Variants in OTUD7A observed in about 807,000 individuals in gnomAD.
OTUD7A encodes the protein OTU domain-containing protein 7A.
In OTUD7A, 12 loss-of-function variants were observed where a neutral mutation model predicts 65.7. The observed-to-expected ratio is 0.18, with a 90% confidence interval of 0.12 to 0.30. The LOEUF (loss-of-function observed/expected upper bound fraction) is 0.30, where lower values mean the gene tolerates loss of function less well. Among genes scored for constraint, OTUD7A ranks in the 10% least tolerant of loss-of-function variants. The probability of loss-of-function intolerance (pLI) is 1.00; values close to 1 mark genes in which losing one functional copy is unlikely to be tolerated. For synonymous variants in OTUD7A, 641 were observed against 586.3 expected (o/e 1.09, Z -1.35); for missense variants, 1,148 against 1,304.8 (o/e 0.88, Z 1.85).
At position 31,530,712 on chromosome 15, in the gene OTUD7A, G is replaced by A; in HGVS notation, c.647C>T (p.Ser216Leu). ...GDGNCLLHAA[S>L]LGMWGFHDRD... ...GTCTGTGCTGTGGAGCTTACCCAGT[G>A]AAGCAGCATGTAAAAGGCAGTTCCC... Residue 216 changes from serine to leucine, a missense_variant, in exon 6 of 13, where the codon TCA becomes TTA. By Grantham distance (145) the Ser-to-Leu change is moderately radical. This residue lies in a region of OTUD7A where 134 missense variants were observed against 252.6 expected (regional missense o/e 0.53). Transcript: ENST00000307050. 6.2e-7 allele frequency: 1 copy of A among 1,614,050 alleles called. No individual in the cohort carries two copies. The highest frequency in any genetic ancestry group is 8.5e-7 in the Non-Finnish European group (1 of 1,179,914).
At chr15:31,591,475 A>G (rs1244316256) in intron 3 of OTUD7A, among the ~76,000 whole-genome samples, 1 of 152,150 alleles carries the variant, frequency 6.6e-6, no homozygotes, top group African/African-American at 2.4e-5. Context: ...GGCCTCATCT[A>G]ATCCACGGAA....
At chr15:31,790,220 C>G (rs1267870719) in intron 1 of OTUD7A, among the ~76,000 whole-genome samples, 1 of 152,194 alleles carries the variant, frequency 6.6e-6, no homozygotes, top group African/African-American at 2.4e-5. Flanking sequence ...CCCTGCAGGG[C>G]CTGTAAAAAC....
intron 4 of OTUD7A, among the ~76,000 whole-genome samples, chr15:31,561,621 A>G (rs1038811235): frequency 2.6e-5 from 4 of 152,216 alleles, no homozygotes; most frequent in Non-Finnish European, 5.9e-5. Flanking sequence ...AGTTCTAAAC[A>G]TGAAATATTT....
chr15:31,815,010 G>A (rs1357507788), intron 1 of OTUD7A, among the ~76,000 whole-genome samples: 2 of 152,162 alleles, frequency 1.3e-5, no homozygotes, highest in Non-Finnish European at 2.9e-5. Context: ...TCCCTGCCAT[G>A]TTCCCTGACT....
At chr15:31,785,318 A>G (rs1208542238) in intron 1 of OTUD7A, among the ~76,000 whole-genome samples, 1 of 152,262 alleles carries the variant, frequency 6.6e-6, no homozygotes, top group Admixed American at 6.5e-5. Flanking sequence ...AGCTTTCGGT[A>G]CATTTGAATT....
chr15:31,783,736 T>C (rs972879449), intron 1 of OTUD7A, among the ~76,000 whole-genome samples: 2 of 152,176 alleles, frequency 1.3e-5, no homozygotes, highest in Admixed American at 1.3e-4. Context: ...TGTATTTCCA[T>C]GGAACATCAT....
chr15:31,762,336 T>A (rs1894988426), intron 1 of OTUD7A, among the ~76,000 whole-genome samples: 1 of 152,192 alleles, frequency 6.6e-6, no homozygotes, highest in Non-Finnish European at 1.5e-5. Flanking sequence ...TTGCTTTTTT[T>A]CTCTGTCCTC....
chr15:31,657,929 T>C (rs1366532363), intron 1 of OTUD7A, among the ~76,000 whole-genome samples: 1 of 152,218 alleles, frequency 6.6e-6, no homozygotes, highest in Non-Finnish European at 1.5e-5. Context: ...TTCTCCTCAG[T>C]GCATCCTAGC....
intron 8 of OTUD7A, among the ~76,000 whole-genome samples, chr15:31,510,557 CAT>C (rs1399380452): frequency 8.9e-6 from 1 of 112,870 alleles, no homozygotes; most frequent in Admixed American, 9.5e-5. Context: ...CTATATGTAA[CAT>C]ACATATGTAT....
intron 1 of OTUD7A, among the ~76,000 whole-genome samples, chr15:31,682,233 A>G (rs1892734281): frequency 6.6e-6 from 1 of 152,212 alleles, no homozygotes; most frequent in South Asian, 2.1e-4. Flanking sequence ...TTCAGACAAA[A>G]GAGACCAAAA....
intron 3 of OTUD7A, among the ~76,000 whole-genome samples, chr15:31,625,310 T>C (rs1890918967): frequency 6.6e-6 from 1 of 152,072 alleles, no homozygotes; most frequent in South Asian, 2.1e-4. Flanking sequence ...AAGAAATATA[T>C]GATGGTTATC....
rs2041052327 is a variant in OTUD7A at position 31,478,129 on chromosome 15, A to G, written c.*5165T>C. 2 of 152,196 alleles carry G rather than the reference A, an allele frequency of 1.3e-5. No homozygotes were observed. The highest frequency in any genetic ancestry group is 4.8e-5 in the African/African-American group (2 of 41,436). The allele number at this position is 152,196 out of a possible 1,614,324, so 9.4% of individuals were successfully genotyped here. ...AGCAGCAGGCAGAAGAAGTACTGGG[A>G]TGGGAGAGGCCTTTGTAAGGACCTG... On this transcript the variant is annotated 3_prime_UTR_variant, in exon 13 of 13. Coordinates refer to ENST00000307050, the MANE Select transcript of OTUD7A (RefSeq NM_001382637.1).
Position 31,825,674 on chromosome 15 carries a change from A to G in OTUD7A, c.-100+44833T>C, listed in dbSNP as rs1054449495. The stretch of plus-strand genomic sequence containing the variant: ...CTTAACTCATTTCAGCATTAACTCA[A>G]AAGTCCACAATCCAAAGTCTCATCT... On this transcript the variant is annotated intron_variant, in intron 1 of 12. Coordinates refer to ENST00000307050, the MANE Select transcript of OTUD7A (RefSeq NM_001382637.1). Among the ~76,000 whole-genome samples the G allele has an allele frequency of 5.3e-5, 8 of 152,188 alleles. No homozygotes were observed. In the East Asian group the frequency reaches 1.2e-3, roughly 22 times the overall value.
intron 1 of OTUD7A, among the ~76,000 whole-genome samples, chr15:31,691,060 C>T (rs1037545716): frequency 2.0e-5 from 3 of 152,122 alleles, no homozygotes; most frequent in African/African-American, 7.2e-5. Context: ...ATATCCATAA[C>T]ATATACAGAA....
chr15:31,738,688 A>C (rs535421983), intron 1 of OTUD7A, among the ~76,000 whole-genome samples: 20 of 152,316 alleles, frequency 1.3e-4, no homozygotes, highest in Admixed American at 8.5e-4. Flanking sequence ...CCGCAAGTGC[A>C]GCCTGTTGAC....
intron 8 of OTUD7A, among the ~76,000 whole-genome samples, chr15:31,525,815 T>A (rs1312155994): frequency 2.0e-5 from 3 of 152,240 alleles, no homozygotes; most frequent in African/African-American, 7.2e-5. Context: ...TGCACAGATG[T>A]GAAGTCTTTT....
intron 3 of OTUD7A, among the ~76,000 whole-genome samples, chr15:31,629,824 G>C (rs945391728): frequency 6.6e-6 from 1 of 152,058 alleles, no homozygotes; most frequent in Non-Finnish European, 1.5e-5. Flanking sequence ...GTCTTGGGAG[G>C]GTGTATGTGT....
intron 1 of OTUD7A, among the ~76,000 whole-genome samples, chr15:31,768,690 C>A (rs531324983): frequency 6.6e-6 from 1 of 151,948 alleles, no homozygotes; most frequent in East Asian, 1.9e-4. Flanking sequence ...ACTGGTGGCA[C>A]TTTCGGCGTC....
At chr15:31,655,348 G>A (rs1891960204) in intron 2 of OTUD7A, 98 bp from the exon 3 acceptor site, 1 of 587,314 alleles carries the variant, frequency 1.7e-6, no homozygotes, top group Non-Finnish European at 2.9e-6. Flanking sequence ...ACCCTCGAGG[G>A]TGGAGCCATT....
Sources: allele counts gnomAD v4.1 joint callset (sites outside exome capture counted in the v4.1 genomes callset), GRCh38; gene constraint gnomAD v4.1.1; regional missense constraint gnomAD v4.1.1; transcripts MANE v1.5; gene names NCBI Gene and HGNC (gene_info 2026-07-23, HGNC 2026-07-21).